COL4A3: variants seen among roughly 807,000 people sequenced by gnomAD.
COL4A3 encodes collagen type IV alpha 3 chain.
In COL4A3, 135 loss-of-function variants were observed where a neutral mutation model predicts 217.4. The observed-to-expected ratio is 0.62, with a 90% CI of 0.54 to 0.72. COL4A3 has a LOEUF of 0.72. Ranked by LOEUF, COL4A3 falls within the 30% of genes least tolerant of loss-of-function variation. The pLI is 0.00. For synonymous variants in COL4A3, 690 were observed against 736.3 expected (o/e 0.94, Z 1.02); for missense variants, 1,868 against 2,119.9 (o/e 0.88, Z 2.33).
At chr2:227,178,559 GA>G (rs2065767720) in intron 1 of COL4A3, among the ~76,000 whole-genome samples, 1 of 151,998 alleles carries the variant, frequency 6.6e-6, no homozygotes, top group Non-Finnish European at 1.5e-5. Context: ...TTTTGAGACA[GA>G]GTCACTCCAT....
intron 20 of COL4A3, 31 bp from the exon 21 acceptor site, chr2:227,263,749 T>C: frequency 6.3e-7 from 1 of 1,598,510 alleles, no homozygotes; most frequent in Middle Eastern, 1.7e-4. Flanking sequence ...GGAAAAAATG[T>C]AAAATACAAG....
intron 1 of COL4A3, among the ~76,000 whole-genome samples, chr2:227,216,211 G>C (rs2125804990): frequency 6.6e-6 from 1 of 152,294 alleles, no homozygotes; most frequent in East Asian, 1.9e-4. Context: ...AAATGGTTAA[G>C]AAGGTAAATT....
Position 227,203,084 on chromosome 2 carries a change from TATATATGTGTATATATAC to T in COL4A3, c.88-34867_88-34850del, listed in dbSNP as rs1287431904. ...ATATACATATATGTGTATATATGTG[TATATATGTGTATATATAC>T]ATATATGTGTATATATGTGTATATA... On this transcript the variant is annotated intron_variant, in intron 1 of 51. Transcript: ENST00000396578. Among the ~76,000 whole-genome samples the T allele has an allele frequency of 2.4e-3, 44 of 18,146 alleles. 2 individuals carry two copies. The highest frequency in any genetic ancestry group is 6.2e-3 in the East Asian group (2 of 322). 11.9% of individuals were successfully genotyped at this position (18,146 alleles called of 152,430 possible). A position where few individuals can be genotyped will look rare whatever the true frequency, so the allele number is the denominator to read the frequency against.
At chr2:227,285,375 A>G (rs1352478954) in intron 34 of COL4A3, among the ~76,000 whole-genome samples, 6 of 151,142 alleles carry the variant, frequency 4.0e-5, no homozygotes, top group Non-Finnish European at 1.5e-5. Context: ...AAGGCCTTCT[A>G]TGTACATAGT....
At chr2:227,270,475 T>A (rs1276511137) in intron 24 of COL4A3, among the ~76,000 whole-genome samples, 1 of 152,208 alleles carries the variant, frequency 6.6e-6, no homozygotes, top group Non-Finnish European at 1.5e-5. Context: ...AGAGGCTTGT[T>A]AAAATTTACC....
Position 227,274,141 on chromosome 2 carries a change from G to A in COL4A3, c.1927+1024G>A, listed in dbSNP as rs182731066. 3.3e-5 allele frequency among the ~76,000 whole-genome samples: 5 copies of A among 152,202 alleles called. No individual in the cohort carries two copies. In the East Asian group the frequency reaches 9.7e-4, roughly 29 times the overall value. On this transcript the variant is annotated intron_variant, in intron 26 of 51. Transcript: ENST00000396578. The stretch of plus-strand genomic sequence containing the variant: ...AGTCCCAGCTACTTGGAAGGCTGAG[G>A]TAGGAGAATCGCTTGAACCTGGAAG...
rs879728891 is a variant in COL4A3, at chr2:227,293,121, A to C, written c.3211-70A>C. On this transcript the variant is annotated intron_variant, in intron 37 of 51. Transcript: ENST00000396578. ...AATGAATGAAAAAATTAGTGAATAA[A>C]GTTTATGCTGAATTCTTACCACATA... The C allele has an allele frequency of 3.9e-5, 62 of 1,597,276 alleles. 2 individuals carry two copies. The Admixed American group carries it at 9.1e-4, about 24-fold the overall frequency.
intron 11 of COL4A3, 76 bp downstream of exon 11, chr2:227,251,447 A>C (rs1171802874): frequency 2.8e-5 from 40 of 1,404,578 alleles, no homozygotes; most frequent in Admixed American, 1.1e-4. Context: ...CTGCTTCTTC[A>C]TGTGGGTCAC....
chr2:227,267,055 T>C lies in COL4A3; in HGVS notation c.1471T>C (p.Leu491=), dbSNP rs769744951. ...CCCAGGGCCTCCCGGTCTCCCAGGA[T>C]TGCCAGGGTTACATGGTGTAAAAGG... ...YIPGPPGLPG[L]PGLHGVKGIP... The change falls in exon 23 of 52, where the codon TTG becomes CTG. Residue 491 remains leucine, a synonymous_variant. Coordinates refer to ENST00000396578, the MANE Select transcript of COL4A3 (RefSeq NM_000091.5). The C allele has an allele frequency of 1.9e-6, 3 of 1,613,992 alleles. No homozygotes were observed. Among genetic ancestry groups the C allele is most frequent in the South Asian group, 1.1e-5 (1 of 91,068 alleles).
Position 227,282,333 on chromosome 2 carries a change from G to A in COL4A3, c.2489-32G>A, listed in dbSNP as rs370333899. 1.9e-6 allele frequency: 3 copies of A among 1,566,280 alleles called. No individual in the cohort carries two copies. The highest frequency in any genetic ancestry group is 1.7e-5 in the Admixed American group (1 of 59,280). The stretch of plus-strand genomic sequence containing the variant: ...AGTTAGTAGGGGAAAGCATTTGTGG[G>A]TTAATTAATTCATTCATTTATTCGT... On this transcript the variant is annotated intron_variant, in intron 31 of 51. Transcript: ENST00000396578. The surrounding 1 kb of genome is among the most constrained non-coding windows in gnomAD (Gnocchi z 4.4).
chr2:227,271,092 C>T, intron 25 of COL4A3, 140 bp downstream of exon 25: 1 of 763,284 alleles, frequency 1.3e-6, no homozygotes, highest in Non-Finnish European at 2.3e-6. Context: ...TTCAAATTAG[C>T]AGGAATAACC....
At chr2:227,189,568 G>C (rs2125697107) in intron 1 of COL4A3, among the ~76,000 whole-genome samples, 2 of 152,304 alleles carry the variant, frequency 1.3e-5, no homozygotes, top group East Asian at 1.9e-4. Flanking sequence ...TTACAAGTTA[G>C]TATCGGTAAA....
intron 51 of COL4A3, 97 bp downstream of exon 51, chr2:227,311,045 A>T (rs1172625193): frequency 1.5e-6 from 2 of 1,311,852 alleles, no homozygotes; most frequent in African/African-American, 2.9e-5. Flanking sequence ...ATGATTTTGT[A>T]CTACTGTGCC....
chr2:227,210,067 T>C (rs2067253834), intron 1 of COL4A3, among the ~76,000 whole-genome samples: 1 of 152,176 alleles, frequency 6.6e-6, no homozygotes, highest in African/African-American at 2.4e-5. Flanking sequence ...TAAGTAAAGT[T>C]CTTAATACAG....
chr2:227,282,658 A>G lies in COL4A3; in HGVS notation c.2656+126A>G. On this transcript the variant is annotated intron_variant, in intron 32 of 51. Transcript: ENST00000396578. The surrounding 1 kb of genome is among the most constrained non-coding windows in gnomAD (Gnocchi z 4.4). Reference sequence around the variant, plus strand: ...ACTTAATATAAGGTTTTCCTTCTAAATTATTTGTAAGAAACCAGGGGCCAT... The same window carrying G: ...ACTTAATATAAGGTTTTCCTTCTAAGTTATTTGTAAGAAACCAGGGGCCAT... 1 of 925,644 alleles carries G rather than the reference A, an allele frequency of 1.1e-6. No individual in the cohort carries two copies. Among genetic ancestry groups the G allele is most frequent in the South Asian group, 1.5e-5 (1 of 65,888 alleles). The allele number at this position is 925,644 out of a possible 1,614,324, so 57.3% of individuals were successfully genotyped here. A position where few individuals can be genotyped will look rare whatever the true frequency, so the allele number is the denominator to read the frequency against.
rs190543104 is a variant in COL4A3, at chr2:227,176,378, C to T, written c.87+11565C>T. Among the ~76,000 whole-genome samples the T allele has an allele frequency of 2.0e-3, 300 of 152,152 alleles. 1 individual carries two copies. Among genetic ancestry groups the T allele is most frequent in the African/African-American group, 5.6e-3 (233 of 41,490 alleles). On this transcript the variant is annotated intron_variant, in intron 1 of 51. Coordinates refer to ENST00000396578, the MANE Select transcript of COL4A3 (RefSeq NM_000091.5). ...GTGTGTACATATAAATTTGCACACA[C>T]GTATATTTAAATAATATTTTATATT...
rs541335609 is a variant in COL4A3 at position 227,232,778 on chromosome 2, G to T, written c.88-5190G>T. Among the ~76,000 whole-genome samples the T allele has an allele frequency of 3.9e-4, 59 of 151,996 alleles. No homozygotes were observed. In the South Asian group the frequency reaches 0.011, roughly 28 times the overall value. On this transcript the variant is annotated intron_variant, in intron 1 of 51. Transcript: ENST00000396578. ...TGGTTGAAATTACTATTTTAACGAA[G>T]TAATTTAATTAAATATTAAATAAAT...
Position 227,235,876 on chromosome 2 carries a change from C to G in COL4A3, c.88-2092C>G, listed in dbSNP as rs554844741. Among the ~76,000 whole-genome samples, 3 of 148,972 alleles carry G rather than the reference C, an allele frequency of 2.0e-5. No individual in the cohort carries two copies. The South Asian group carries it at 6.3e-4, about 31-fold the overall frequency. On this transcript the variant is annotated intron_variant, in intron 1 of 51. Coordinates refer to ENST00000396578, the MANE Select transcript of COL4A3 (RefSeq NM_000091.5). Reference sequence around the variant, plus strand: ...GCAATCTCCGCCTCCCAGGTTCAAGCGATTCACCTGCCTCAGCTTCCCGAG... The same window carrying G: ...GCAATCTCCGCCTCCCAGGTTCAAGGGATTCACCTGCCTCAGCTTCCCGAG...
At chr2:227,187,822 T>C (rs955729912) in intron 1 of COL4A3, among the ~76,000 whole-genome samples, 1 of 152,174 alleles carries the variant, frequency 6.6e-6, no homozygotes. Flanking sequence ...GCCTTCTACC[T>C]TCTCTCTGTT....
Sources: allele counts gnomAD v4.1 joint callset (sites outside exome capture counted in the v4.1 genomes callset), GRCh38; gene constraint gnomAD v4.1.1; non-coding constraint Gnocchi (gnomAD v3.1); transcripts MANE v1.5; gene names NCBI Gene and HGNC (gene_info 2026-07-23, HGNC 2026-07-21).